The following REEP3 variants were observed in gnomAD, a reference collection of about 807,000 sequenced individuals.
The protein encoded by REEP3 is receptor expression-enhancing protein 3.
Under a neutral mutation model 41.3 loss-of-function variants are expected in REEP3, and 20 were observed. That is an observed-to-expected ratio of 0.48 (90% CI 0.34 to 0.70). The LOEUF is 0.70. REEP3 is among the 30% of genes least tolerant of loss of function. REEP3 has a pLI of 0.01. For synonymous variants in REEP3, 104 were observed against 101.8 expected (o/e 1.02, Z -0.13); for missense variants, 271 against 308.8 (o/e 0.88, Z 0.92).
intron 3 of REEP3, among the ~76,000 whole-genome samples, chr10:63,596,783 T>A (rs1267870257): frequency 3.3e-5 from 5 of 152,216 alleles, no homozygotes; most frequent in African/African-American, 1.2e-4. Flanking sequence ...CTGTTGTTTC[T>A]GTTGTTGTTT....
At chr10:63,577,370 A>G (rs1249665641) in intron 2 of REEP3, among the ~76,000 whole-genome samples, 1 of 152,194 alleles carries the variant, frequency 6.6e-6, no homozygotes, top group East Asian at 1.9e-4. Flanking sequence ...GGTATCTTGG[A>G]GTCTCTCTCC....
Position 63,605,561 on chromosome 10 carries a change from G to A in REEP3, c.418-4626G>A, listed in dbSNP as rs1956217163. On this transcript the variant is annotated intron_variant, in intron 5 of 7. Coordinates refer to ENST00000373758, the MANE Select transcript of REEP3 (RefSeq NM_001001330.3). ...TTAAATCTGTGATTTAAAATGTGAA[G>A]AAAATAAAGGTTTTATACAAAGGTG... Among the ~76,000 whole-genome samples the A allele has an allele frequency of 2.0e-5, 3 of 152,068 alleles. 1 individual carries two copies. The highest frequency in any genetic ancestry group is 2.0e-4 in the Admixed American group (3 of 15,262).
At chr10:63,553,156 T>G (rs1304258817) in intron 1 of REEP3, among the ~76,000 whole-genome samples, 1 of 152,184 alleles carries the variant, frequency 6.6e-6, no homozygotes, top group Non-Finnish European at 1.5e-5. Context: ...AAACAGGCAG[T>G]GTGGCTCTGA....
At chr10:63,559,638 C>T (rs185798838) in intron 1 of REEP3, among the ~76,000 whole-genome samples, 1 of 152,244 alleles carries the variant, frequency 6.6e-6, no homozygotes, top group Admixed American at 6.5e-5. Flanking sequence ...AATTATATGA[C>T]CTTGGGTTAG....
intron 5 of REEP3, among the ~76,000 whole-genome samples, chr10:63,608,189 C>T (rs927066930): frequency 5.9e-5 from 9 of 152,172 alleles, no homozygotes; most frequent in South Asian, 2.1e-4. Context: ...TGTCAACTAT[C>T]TGTTTGATAA....
chr10:63,594,180 A>G (rs1956091406), intron 2 of REEP3, among the ~76,000 whole-genome samples: 1 of 150,626 alleles, frequency 6.6e-6, no homozygotes, highest in African/African-American at 2.4e-5. Context: ...GGAGTCCGAT[A>G]CCAGCAGGGC....
intron 6 of REEP3, among the ~76,000 whole-genome samples, chr10:63,615,492 C>A (rs1274222659): frequency 3.3e-5 from 5 of 151,274 alleles, no homozygotes; most frequent in Admixed American, 2.6e-4. Context: ...TGACTTGATT[C>A]TAGTGTCTCT....
At chr10:63,557,338 G>A (rs901811130) in intron 1 of REEP3, among the ~76,000 whole-genome samples, 5 of 152,108 alleles carry the variant, frequency 3.3e-5, no homozygotes, top group Admixed American at 6.5e-5. Context: ...AAATAATTAG[G>A]AATAAATATA....
At chr10:63,578,256 C>G (rs1955915196) in intron 2 of REEP3, among the ~76,000 whole-genome samples, 1 of 152,056 alleles carries the variant, frequency 6.6e-6, no homozygotes, top group South Asian at 2.1e-4. Flanking sequence ...CCTGCCACCA[C>G]ACCCAGCTAA....
chr10:63,588,652 CTT>C (rs1383658187), intron 2 of REEP3, among the ~76,000 whole-genome samples: 1 of 152,080 alleles, frequency 6.6e-6, no homozygotes, highest in Non-Finnish European at 1.5e-5. Context: ...AAATAAAAGT[CTT>C]TGTCATCATG....
At chr10:63,522,295 G>A (rs1246325478) in intron 1 of REEP3, among the ~76,000 whole-genome samples, 1 of 152,066 alleles carries the variant, frequency 6.6e-6, no homozygotes, top group South Asian at 2.1e-4. Flanking sequence ...GTGATTGAAA[G>A]GCTGCAGGTG....
chr10:63,549,072 C>A (rs966553747), intron 1 of REEP3, among the ~76,000 whole-genome samples: 1 of 152,046 alleles, frequency 6.6e-6, no homozygotes, highest in African/African-American at 2.4e-5. Flanking sequence ...CTAAAGCCAC[C>A]TTTCACCTAA....
At chr10:63,568,696 C>T (rs1055533185) in intron 2 of REEP3, among the ~76,000 whole-genome samples, 13 of 138,940 alleles carry the variant, frequency 9.4e-5, no homozygotes, top group Admixed American at 1.5e-4. Context: ...GCTGTTATCA[C>T]CCAAGCTGGA....
rs16918667 is a variant in REEP3, at chr10:63,599,493, G to A, written c.417+210G>A. On this transcript the variant is annotated intron_variant, in intron 5 of 7. Coordinates refer to ENST00000373758, the MANE Select transcript of REEP3 (RefSeq NM_001001330.3). ...TCTTAATTCATCACAAAATGAGGTC[G>A]TTAATAAATAATACATACCTGAAAA... Among the ~76,000 whole-genome samples the A allele has an allele frequency of 0.036, 5,434 of 152,170 alleles. 319 individuals are homozygous for A. Among genetic ancestry groups the A allele is most frequent in the East Asian group, 0.28 (1,457 of 5,190 alleles).
chr10:63,594,641 C>CAACATACTAT (rs1448217012), intron 2 of REEP3, 137 bp from the exon 3 acceptor site: 2 of 629,388 alleles, frequency 3.2e-6, no homozygotes, highest in Admixed American at 2.8e-5. Flanking sequence ...GCGTTTGACC[C>CAACATACTAT]AACATACTAT....
chr10:63,573,910 T>C (rs577073349), intron 2 of REEP3, among the ~76,000 whole-genome samples: 1 of 152,348 alleles, frequency 6.6e-6, no homozygotes, highest in East Asian at 1.9e-4. Flanking sequence ...ATGGGATTTT[T>C]ACTGAAAATT....
At chr10:63,579,032 GT>G (rs1018869300) in intron 2 of REEP3, among the ~76,000 whole-genome samples, 98 of 108,422 alleles carry the variant, frequency 9.0e-4, no homozygotes, top group Middle Eastern at 4.7e-3. Flanking sequence ...TTCACTATGT[GT>G]TTTTTTTTGG....
chr10:63,527,680 CA>C (rs570342237), intron 1 of REEP3, among the ~76,000 whole-genome samples: 17 of 144,144 alleles, frequency 1.2e-4, no homozygotes, highest in African/African-American at 5.1e-5. Flanking sequence ...GACCTTGTCT[CA>C]AAAAAAAAAG....
rs796148815 is a variant in REEP3 at position 63,615,960 on chromosome 10, C to T, written c.566-3695C>T. Among the ~76,000 whole-genome samples, 62 of 152,318 alleles carry T rather than the reference C, an allele frequency of 4.1e-4. 1 individual carries two copies. Among genetic ancestry groups the T allele is most frequent in the African/African-American group, 1.3e-3 (54 of 41,556 alleles). On this transcript the variant is annotated intron_variant, in intron 6 of 7. Coordinates refer to ENST00000373758, the MANE Select transcript of REEP3 (RefSeq NM_001001330.3). The stretch of plus-strand genomic sequence containing the variant: ...TATACTACAGTAACCTCCCCACTTA[C>T]GCTCCCTTCCCTCAGCCTTATCCAT...
Sources: gnomAD v4.1 joint callset for allele counts (sites outside exome capture counted in the v4.1 genomes callset) on GRCh38, gnomAD v4.1.1 for gene constraint, MANE v1.5 for transcripts, NCBI Gene and HGNC (gene_info 2026-07-23, HGNC 2026-07-21) for gene names.